Variants in UNC79 observed in about 807,000 individuals in gnomAD.
UNC79 encodes protein unc-79 homolog.
UNC79 carries 37 observed loss-of-function variants against 283.1 expected under a neutral mutation model. That is an observed-to-expected ratio of 0.13 (90% CI 0.10 to 0.17). UNC79 has a LOEUF of 0.17. Among genes scored for constraint, UNC79 ranks in the 10% least tolerant of loss-of-function variants. The pLI is 1.00. For synonymous variants in UNC79, 1,107 were observed against 1,200.2 expected, an observed-to-expected ratio of 0.92 and a Z score of 1.61; for missense variants, 2,272 against 3,211.1, an observed-to-expected ratio of 0.71 and a Z score of 7.07.
intron 39 of UNC79, 33 bp downstream of exon 42, chr14:93,659,294 G>A: frequency 1.3e-6 from 2 of 1,565,938 alleles, no homozygotes; most frequent in Admixed American, 1.8e-5. Flanking sequence ...TAACCAATTG[G>A]TTAGTCAGTT....
chr14:93,662,462 G>A (rs777309819), intron 39 of UNC79, 142 bp from the exon 43 acceptor site: 1 of 546,090 alleles, frequency 1.8e-6, no homozygotes, highest in Non-Finnish European at 3.3e-6. Flanking sequence ...AGACCAATGG[G>A]GTTGCTACAG....
chr14:93,642,043 A>AAACAT (rs1555387571), intron 33 of UNC79, among the ~76,000 whole-genome samples: 2 of 151,384 alleles, frequency 1.3e-5, no homozygotes, highest in African/African-American at 4.9e-5. Context: ...AGAGTCAATT[A>AAACAT]AACGTCTTTC....
chr14:93,680,983 A>G (rs2073801126), intron 41 of UNC79, among the ~76,000 whole-genome samples: 1 of 152,136 alleles, frequency 6.6e-6, no homozygotes, highest in Non-Finnish European at 1.5e-5. Context: ...ATTTTCTAAA[A>G]CCTGATTTAT....
At chr14:93,693,701 A>C (rs1446502533) in intron 46 of UNC79, among the ~76,000 whole-genome samples, 1 of 152,146 alleles carries the variant, frequency 6.6e-6, no homozygotes, top group Non-Finnish European at 1.5e-5. Context: ...ACTGTGTAGA[A>C]AGGATCAAGA....
intron 1 of UNC79, among the ~76,000 whole-genome samples, chr14:93,387,782 A>G (rs1206277548): frequency 6.6e-6 from 1 of 152,218 alleles, no homozygotes; most frequent in Admixed American, 6.5e-5. Context: ...ATTAAGTACA[A>G]TGTTTCTTTG....
At chr14:93,703,090 A>G (rs939963986) in intron 47 of UNC79, among the ~76,000 whole-genome samples, 1 of 151,970 alleles carries the variant, frequency 6.6e-6, no homozygotes, top group Admixed American at 6.6e-5. Context: ...GCTTTTCTAA[A>G]CTTGTTTTTC....
chr14:93,557,417 G>C (rs1158387742), intron 14 of UNC79, among the ~76,000 whole-genome samples: 2 of 152,070 alleles, frequency 1.3e-5, no homozygotes, highest in Non-Finnish European at 2.9e-5. Context: ...ACTTAAAATG[G>C]GGTTACTCTG....
intron 29 of UNC79, among the ~76,000 whole-genome samples, chr14:93,620,467 C>G (rs2067049945): frequency 6.6e-6 from 1 of 152,078 alleles, no homozygotes; most frequent in South Asian, 2.1e-4. Context: ...TTTGGAAAGC[C>G]CAAGATCCAC....
chr14:93,619,872 A>T (rs1040233831), intron 29 of UNC79, among the ~76,000 whole-genome samples: 1 of 152,246 alleles, frequency 6.6e-6, no homozygotes, highest in Non-Finnish European at 1.5e-5. Context: ...AATAGTAGGT[A>T]AACTCATTAT....
intron 1 of UNC79, among the ~76,000 whole-genome samples, chr14:93,353,892 G>A (rs2054028141): frequency 6.6e-6 from 1 of 152,124 alleles, no homozygotes; most frequent in South Asian, 2.1e-4. Flanking sequence ...CAAAGACAAA[G>A]TCAGTGCCCT....
chr14:93,389,737 C>T (rs568975285), intron 1 of UNC79, among the ~76,000 whole-genome samples: 3 of 151,966 alleles, frequency 2.0e-5, no homozygotes, highest in South Asian at 4.2e-4. Context: ...CTGCAACCTC[C>T]GCCTCCTGGG....
intron 1 of UNC79, among the ~76,000 whole-genome samples, chr14:93,457,361 T>C (rs2140197030): frequency 6.6e-6 from 1 of 152,342 alleles, no homozygotes; most frequent in African/African-American, 2.4e-5. Flanking sequence ...CCGTGTGCTA[T>C]GAAAGTGCCG....
chr14:93,662,645 T>A, exon 40 of UNC79: 3 of 1,611,920 alleles, frequency 1.9e-6, no homozygotes, highest in Non-Finnish European at 2.5e-6. Context: ...GCTTTGTAAT[T>A]CAGAATGCCG....
At position 93,621,645 on chromosome 14, in the gene UNC79, G is replaced by C; in HGVS notation, c.4412G>C (p.Arg1471Thr). ...GGTGAAATAGAACTGGCTGAATATA[G>C]AGAGACGGGTGCATTACAAGACAGC... Residue 1471 changes from arginine to threonine, a missense_variant, in exon 30 of 49, where the codon AGA becomes ACA. Coordinates refer to ENST00000555664, the Ensembl canonical transcript of UNC79. This position sits in a 1 kb window ranked among gnomAD's most constrained non-coding sequence, Gnocchi z 4.8. The C allele has an allele frequency of 6.3e-7, 1 of 1,582,854 alleles. No homozygotes were observed. Among genetic ancestry groups the C allele is most frequent in the Non-Finnish European group, 8.6e-7 (1 of 1,166,700 alleles).
chr14:93,630,735 T>C (rs1228935826), intron 30 of UNC79, 66 bp from the exon 33 acceptor site: 8 of 1,264,558 alleles, frequency 6.3e-6, no homozygotes, highest in Non-Finnish European at 9.2e-6. Flanking sequence ...GTAAAAGATA[T>C]AGAAAAGGTT....
intron 2 of UNC79, among the ~76,000 whole-genome samples, chr14:93,470,833 A>T (rs1217180057): frequency 2.0e-5 from 3 of 152,216 alleles, no homozygotes; most frequent in Non-Finnish European, 1.5e-5. Context: ...TCACTGCTAC[A>T]TGGGAGGGAG....
intron 33 of UNC79, among the ~76,000 whole-genome samples, chr14:93,642,807 A>C (rs2069186581): frequency 1.3e-5 from 2 of 152,204 alleles, no homozygotes; most frequent in African/African-American, 4.8e-5. Context: ...TCACAACAAC[A>C]GTTGTAGTTC....
intron 38 of UNC79, among the ~76,000 whole-genome samples, chr14:93,658,583 A>C (rs940467476): frequency 2.6e-5 from 4 of 152,186 alleles, no homozygotes; most frequent in African/African-American, 9.7e-5. Flanking sequence ...TTTGATGTGG[A>C]ATCTTGTCAA....
At chr14:93,485,941 A>G (rs1389476015) in intron 4 of UNC79, among the ~76,000 whole-genome samples, 1 of 152,154 alleles carries the variant, frequency 6.6e-6, no homozygotes, top group Admixed American at 6.5e-5. Context: ...AATTTTTTTT[A>G]TCTCCTCTGA....
Sources: gnomAD v4.1 joint callset for allele counts (sites outside exome capture counted in the v4.1 genomes callset) on GRCh38, gnomAD v4.1.1 for gene constraint, Gnocchi (gnomAD v3.1) non-coding constraint, MANE v1.5 for transcripts, NCBI Gene and HGNC (gene_info 2026-07-23, HGNC 2026-07-21) for gene names.